The following GFRA2 variants were observed in gnomAD, a reference collection of about 807,000 sequenced individuals.
GFRA2 encodes the protein GDNF family receptor alpha-2.
GFRA2 carries 17 observed loss-of-function variants against 48.3 expected under a neutral mutation model. The observed-to-expected ratio is 0.35, with a 90% CI of 0.24 to 0.53. The LOEUF is 0.53. Ranked by LOEUF, GFRA2 falls within the 20% of genes least tolerant of loss-of-function variation. The pLI, the probability that GFRA2 is intolerant of heterozygous loss-of-function variation, is 0.93. For missense variants in GFRA2, 660 were observed against 637.3 expected (o/e 1.04, Z -0.38); for synonymous variants, 305 against 257.2 (o/e 1.19, Z -1.78).
intron 1 of GFRA2, among the ~76,000 whole-genome samples, chr8:21,807,554 C>T (rs1409760375): frequency 6.6e-6 from 1 of 152,174 alleles, no homozygotes; most frequent in African/African-American, 2.4e-5. Context: ...TCTCACAGTT[C>T]TGGAGGCTGG....
chr8:21,708,753 A>G (rs1318167928), intron 4 of GFRA2, among the ~76,000 whole-genome samples: 2 of 152,216 alleles, frequency 1.3e-5, no homozygotes, highest in Admixed American at 6.5e-5. Flanking sequence ...CCAGGGCTGC[A>G]GCAGTGCCTG....
chr8:21,767,400 T>C (rs1213292382), intron 3 of GFRA2, among the ~76,000 whole-genome samples: 1 of 152,196 alleles, frequency 6.6e-6, no homozygotes, highest in Non-Finnish European at 1.5e-5. Context: ...ACACACGTGT[T>C]CCCGTCACAC....
intron 2 of GFRA2, among the ~76,000 whole-genome samples, chr8:21,778,890 T>C (rs1806838187): frequency 6.7e-6 from 1 of 149,996 alleles, no homozygotes; most frequent in South Asian, 2.1e-4. Context: ...TCCATCTCAT[T>C]AAAAAATAAA....
chr8:21,712,527 G>A (rs1422008574), intron 4 of GFRA2, among the ~76,000 whole-genome samples: 1 of 150,812 alleles, frequency 6.6e-6, no homozygotes, highest in Non-Finnish European at 1.5e-5. Context: ...TCCAGACTGG[G>A]CAGCCAGGCA....
At chr8:21,716,944 T>A (rs1190083548) in intron 4 of GFRA2, among the ~76,000 whole-genome samples, 1 of 152,218 alleles carries the variant, frequency 6.6e-6, no homozygotes, top group African/African-American at 2.4e-5. Context: ...TGCTGCTGGC[T>A]CATTCTTCTG....
chr8:21,786,114 G>A (rs1461909969), intron 1 of GFRA2, among the ~76,000 whole-genome samples: 1 of 152,202 alleles, frequency 6.6e-6, no homozygotes, highest in Non-Finnish European at 1.5e-5. Context: ...TGAGCCTGCT[G>A]CTCTTCTGCT....
At position 21,750,196 on chromosome 8, in the gene GFRA2, C is replaced by G. The variant is rs986450083; in HGVS notation, c.794+392G>C. Among the ~76,000 whole-genome samples the G allele has an allele frequency of 7.9e-5, 12 of 152,096 alleles. No homozygotes were observed. Among genetic ancestry groups the G allele is most frequent in the Non-Finnish European group, 1.6e-4 (11 of 68,010 alleles). On this transcript the variant is annotated intron_variant, in intron 4 of 8. Coordinates refer to ENST00000524240, the MANE Select transcript of GFRA2 (RefSeq NM_001495.5). The surrounding 1 kb of genome is among the most constrained non-coding windows in gnomAD (Gnocchi z 5.7). ...GCCTCAAGTGATCCTCCTGCCTCAG[C>G]CTCCTGAGTCGCTGGGATTACAGGC... is the stretch of plus-strand genomic sequence containing the variant.
chr8:21,802,518 CTAATTTTT>C (rs1807789853), intron 2 of GFRA2, among the ~76,000 whole-genome samples: 1 of 152,122 alleles, frequency 6.6e-6, no homozygotes, highest in South Asian at 2.1e-4. Context: ...CCATGTCCGG[CTAATTTTT>C]TAATTTTTTA....
At chr8:21,747,409 T>C (rs1402244452) in intron 4 of GFRA2, among the ~76,000 whole-genome samples, 1 of 152,178 alleles carries the variant, frequency 6.6e-6, no homozygotes, top group Non-Finnish European at 1.5e-5. Context: ...CATTGTGGTA[T>C]GCATAGTTTC....
intron 1 of GFRA2, chr8:21,805,236 A>G (rs1361808570): frequency 6.6e-6 from 1 of 152,170 alleles, no homozygotes; most frequent in East Asian, 1.9e-4. Flanking sequence ...CTAGTCTACA[A>G]TTCTGTTTCT....
rs181403029 is a variant in GFRA2, at chr8:21,742,780, T to C, written c.794+7808A>G. ...GAATGGGTCACTCCTCCCCAACCAC[T>C]CAGAGATGCCTGGGTCCTCAAGCAC... On this transcript the variant is annotated intron_variant, in intron 4 of 8. Transcript: ENST00000524240. Among the ~76,000 whole-genome samples the C allele has an allele frequency of 2.7e-3, 415 of 152,244 alleles. 3 individuals are homozygous for C. Among genetic ancestry groups the C allele is most frequent in the Non-Finnish European group, 4.6e-3 (316 of 68,006 alleles).
upstream of GFRA2, chr8:21,790,140 A>T (rs1807524162): frequency 1.0e-6 from 1 of 977,158 alleles, no homozygotes; most frequent in Non-Finnish European, 1.2e-6. Flanking sequence ...TGGCTGGGAA[A>T]GGGCTGGAGG....
intron 3 of GFRA2, among the ~76,000 whole-genome samples, chr8:21,752,064 C>T (rs560028044): frequency 4.8e-4 from 73 of 152,328 alleles, no homozygotes; most frequent in African/African-American, 1.7e-3. Context: ...GTATCTACCA[C>T]ATAGGGCCTT....
chr8:21,782,334 C>T (rs1807035463), intron 2 of GFRA2, among the ~76,000 whole-genome samples: 1 of 150,652 alleles, frequency 6.6e-6, no homozygotes, highest in Admixed American at 6.6e-5. Context: ...CTCCTCCCAC[C>T]ACCTCCCTCT....
intron 4 of GFRA2, among the ~76,000 whole-genome samples, chr8:21,749,811 T>A (rs963530620): frequency 1.3e-5 from 2 of 151,734 alleles, no homozygotes; most frequent in Non-Finnish European, 2.9e-5. Context: ...CTATGTAACC[T>A]TGAGCAAGTT....
In GFRA2 at chr8:21,750,786, T is replaced by C; in HGVS notation, c.596A>G (p.Lys199Arg). 6.2e-7 allele frequency: 1 copy of C among 1,613,980 alleles called. No individual in the cohort carries two copies. The highest frequency in any genetic ancestry group is 1.1e-5 in the South Asian group (1 of 91,084). The stretch of plus-strand genomic sequence containing the variant: ...GAACTGGCGCAGGGCCTTGTGGCAC[T>C]TGCGGCGGTTGCAGCGCTCGGTGGG... ...ISPTERCNRR[K>R]CHKALRQFFD... Residue 199 changes from lysine to arginine, a missense_variant, in exon 4 of 9, where the codon AAG becomes AGG. Coordinates refer to ENST00000524240, the MANE Select transcript of GFRA2 (RefSeq NM_001495.5). The surrounding 1 kb of genome is among the most constrained non-coding windows in gnomAD (Gnocchi z 5.7).
intron 4 of GFRA2, among the ~76,000 whole-genome samples, chr8:21,712,528 C>A (rs1803104093): frequency 6.7e-6 from 1 of 149,762 alleles, no homozygotes; most frequent in Admixed American, 6.6e-5. Context: ...CCAGACTGGG[C>A]AGCCAGGCAG....
intron 4 of GFRA2, among the ~76,000 whole-genome samples, chr8:21,747,773 C>T (rs1439466596): frequency 2.7e-5 from 4 of 150,026 alleles, no homozygotes; most frequent in Non-Finnish European, 5.9e-5. Context: ...CACACACACA[C>T]ACACACACAC....
intron 4 of GFRA2, among the ~76,000 whole-genome samples, chr8:21,706,937 G>A (rs1802779596): frequency 6.6e-6 from 1 of 152,152 alleles, no homozygotes; most frequent in Non-Finnish European, 1.5e-5. Context: ...CCTGCCCTGG[G>A]CCCTGGCCAG....
Sources: gnomAD v4.1 joint callset for allele counts (sites outside exome capture counted in the v4.1 genomes callset) on GRCh38, gnomAD v4.1.1 for gene constraint, Gnocchi (gnomAD v3.1) non-coding constraint, MANE v1.5 for transcripts, NCBI Gene and HGNC (gene_info 2026-07-23, HGNC 2026-07-21) for gene names.